Variants in DPYD observed in about 807,000 individuals in gnomAD.
The protein encoded by DPYD is dihydropyrimidine dehydrogenase [NADP(+)].
A neutral mutation model predicts 116.2 loss-of-function variants in DPYD; 109 were observed. That is an observed-to-expected ratio of 0.94 (90% CI 0.80 to 1.10). DPYD has a LOEUF of 1.10. Among genes scored for constraint, DPYD ranks in the 50% least tolerant of loss-of-function variants. The probability of loss-of-function intolerance (pLI) is 0.00; values close to 1 mark genes in which losing one functional copy is unlikely to be tolerated. For synonymous variants in DPYD, 440 were observed against 432.0 expected, an observed-to-expected ratio of 1.02 and a Z score of -0.23; for missense variants, 1,302 against 1,254.5, an observed-to-expected ratio of 1.04 and a Z score of -0.57.
intron 18 of DPYD, among the ~76,000 whole-genome samples, chr1:97,290,676 A>C (rs1336213076): frequency 6.6e-6 from 1 of 152,154 alleles, no homozygotes; most frequent in African/African-American, 2.4e-5. Flanking sequence ...ACCTTATACA[A>C]AAATTAATTC....
intron 10 of DPYD, among the ~76,000 whole-genome samples, chr1:97,577,215 T>G (rs1159515546): frequency 1.3e-5 from 2 of 152,168 alleles, no homozygotes; most frequent in Admixed American, 1.3e-4. Context: ...AGTTTCCAAT[T>G]CTATACTCTA....
At chr1:97,774,417 G>A (rs1666294668) in intron 3 of DPYD, among the ~76,000 whole-genome samples, 2 of 152,114 alleles carry the variant, frequency 1.3e-5, no homozygotes, top group African/African-American at 4.8e-5. Flanking sequence ...CTTCCTTTAT[G>A]ATATTAAGAG....
intron 3 of DPYD, among the ~76,000 whole-genome samples, chr1:97,780,364 G>GA (rs981351327): frequency 1.4e-4 from 21 of 152,116 alleles, no homozygotes; most frequent in African/African-American, 5.1e-4. Flanking sequence ...CATGAACACT[G>GA]AAAATTCACT....
At chr1:97,238,998 C>T (rs79714321) in intron 18 of DPYD, among the ~76,000 whole-genome samples, 2,106 of 152,172 alleles carry the variant, frequency 0.014, 29 homozygotes, top group Middle Eastern at 0.031. Flanking sequence ...AACAAACAAA[C>T]GAAAAATGAA....
At chr1:97,858,751 C>T (rs1490946071) in intron 2 of DPYD, among the ~76,000 whole-genome samples, 1 of 152,084 alleles carries the variant, frequency 6.6e-6, no homozygotes, top group East Asian at 1.9e-4. Context: ...GCATTACTAC[C>T]TAGTACTTCA....
chr1:97,120,527 G>A (rs1022040382), intron 20 of DPYD, among the ~76,000 whole-genome samples: 1 of 152,138 alleles, frequency 6.6e-6, no homozygotes, highest in African/African-American at 2.4e-5. Flanking sequence ...GCACAGCTGA[G>A]CTAAAAAGGA....
intron 12 of DPYD, among the ~76,000 whole-genome samples, chr1:97,524,373 C>A (rs777288676): frequency 6.6e-6 from 1 of 152,116 alleles, no homozygotes; most frequent in East Asian, 1.9e-4. Flanking sequence ...GAAGTTGGAG[C>A]TAGATAAACT....
intron 18 of DPYD, among the ~76,000 whole-genome samples, chr1:97,290,157 G>A (rs980222297): frequency 2.0e-5 from 3 of 152,116 alleles, no homozygotes; most frequent in Non-Finnish European, 4.4e-5. Flanking sequence ...TCTTCAAGGA[G>A]AACTACAAAC....
chr1:97,463,236 C>T (rs1017393502), intron 13 of DPYD, among the ~76,000 whole-genome samples: 8 of 152,148 alleles, frequency 5.3e-5, no homozygotes, highest in African/African-American at 1.9e-4. Context: ...AATCATGGGG[C>T]AAGTCTTTCC....
chr1:97,171,230 C>T (rs1274911744), intron 20 of DPYD, among the ~76,000 whole-genome samples: 1 of 151,968 alleles, frequency 6.6e-6, no homozygotes, highest in African/African-American at 2.4e-5. Context: ...TGGCTTGATG[C>T]CAATGATGAA....
intron 16 of DPYD, among the ~76,000 whole-genome samples, chr1:97,328,093 C>A (rs12044783): frequency 1.3e-5 from 2 of 152,230 alleles, no homozygotes; most frequent in East Asian, 1.9e-4. Flanking sequence ...AATTGGTCTT[C>A]AAATCTCCTC....
At chr1:97,786,898 G>C (rs994854322) in intron 3 of DPYD, among the ~76,000 whole-genome samples, 1 of 152,154 alleles carries the variant, frequency 6.6e-6, no homozygotes, top group African/African-American at 2.4e-5. Context: ...TAACTAGTGA[G>C]GGAGAAAACT....
Position 97,354,393 on chromosome 1 carries a change from T to C in DPYD, c.2058+19168A>G, listed in dbSNP as rs569671412. Reference sequence around the variant, plus strand: ...ACATCTTTCATCCTCCAAACTCCTATAGTAAAACGCAAAATGCAAAAAATG... The same window carrying C: ...ACATCTTTCATCCTCCAAACTCCTACAGTAAAACGCAAAATGCAAAAAATG... On this transcript the variant is annotated intron_variant, in intron 16 of 22. Coordinates refer to ENST00000370192, the MANE Select transcript of DPYD (RefSeq NM_000110.4). Among the ~76,000 whole-genome samples the C allele has an allele frequency of 1.1e-4, 16 of 152,252 alleles. No homozygotes were observed. In the East Asian group the frequency reaches 3.1e-3, roughly 29 times the overall value.
At chr1:97,389,291 A>C (rs1283561279) in intron 14 of DPYD, among the ~76,000 whole-genome samples, 1 of 143,938 alleles carries the variant, frequency 6.9e-6, no homozygotes, top group Non-Finnish European at 1.5e-5. Flanking sequence ...CCTGGGCGAC[A>C]GAATGAGATT....
intron 19 of DPYD, among the ~76,000 whole-genome samples, chr1:97,221,292 A>G (rs533755589): frequency 2.0e-5 from 3 of 152,258 alleles, no homozygotes; most frequent in African/African-American, 7.2e-5. Context: ...GTACAGTAAC[A>G]GGGAGGGTGG....
chr1:97,174,467 C>T (rs1420488996), intron 20 of DPYD, among the ~76,000 whole-genome samples: 1 of 152,222 alleles, frequency 6.6e-6, no homozygotes, highest in Non-Finnish European at 1.5e-5. Context: ...AGTCTTCCAA[C>T]TCCACACCCA....
At chr1:97,269,690 T>C (rs1294526901) in intron 18 of DPYD, among the ~76,000 whole-genome samples, 1 of 152,126 alleles carries the variant, frequency 6.6e-6, no homozygotes. Context: ...CTCACTCACA[T>C]GGTAGAGAGA....
chr1:97,691,833 T>G (rs770436026), intron 6 of DPYD, 35 bp from the exon 7 acceptor site: 2 of 1,566,008 alleles, frequency 1.3e-6, no homozygotes, highest in Non-Finnish European at 1.8e-6. Context: ...CAGGCATCAG[T>G]AGAAAAATGA....
intron 21 of DPYD, among the ~76,000 whole-genome samples, chr1:97,094,253 G>C (rs1177616130): frequency 6.6e-6 from 1 of 151,966 alleles, no homozygotes; most frequent in Non-Finnish European, 1.5e-5. Context: ...TTAGGATTAC[G>C]GTTACAATGG....
Sources: gnomAD v4.1 joint callset for allele counts (sites outside exome capture counted in the v4.1 genomes callset) on GRCh38, gnomAD v4.1.1 for gene constraint, MANE v1.5 for transcripts, NCBI Gene and HGNC (gene_info 2026-07-23, HGNC 2026-07-21) for gene names.